NFIA: variants seen among roughly 807,000 people sequenced by gnomAD.
NFIA encodes nuclear factor 1 A-type.
NFIA carries 8 observed loss-of-function variants against 62.8 expected under a neutral mutation model. The ratio of observed to expected loss-of-function variants is 0.13; its 90% CI spans 0.07 to 0.23. NFIA has a LOEUF of 0.23. Among genes scored for constraint, NFIA ranks in the 10% least tolerant of loss-of-function variants. The pLI is 1.00. For synonymous variants in NFIA, 235 were observed against 238.1 expected (o/e 0.99, Z 0.12); for missense variants, 410 against 642.1 (o/e 0.64, Z 3.91).
chr1:61,426,686 A>C (rs1230256419), intron 10 of NFIA, 130 bp downstream of exon 10: 112 of 695,568 alleles, frequency 1.6e-4, no homozygotes. Context: ...TCCTGATCCC[A>C]CCAGCCACAT....
chr1:61,214,898 G>A (rs577310192), intron 2 of NFIA, among the ~76,000 whole-genome samples: 3 of 152,240 alleles, frequency 2.0e-5, no homozygotes, highest in Admixed American at 2.0e-4. Context: ...TCTTGGCTCC[G>A]AGTTACCCTT....
At chr1:61,371,220 A>G (rs1663868649) in intron 6 of NFIA, among the ~76,000 whole-genome samples, 1 of 152,188 alleles carries the variant, frequency 6.6e-6, no homozygotes, top group Non-Finnish European at 1.5e-5. Flanking sequence ...ATCCACGTGT[A>G]AGGCTTAAAA....
intron 10 of NFIA, among the ~76,000 whole-genome samples, chr1:61,446,307 A>G (rs570641531): frequency 4.5e-4 from 68 of 152,320 alleles, no homozygotes; most frequent in Non-Finnish European, 7.6e-4. Flanking sequence ...TTGGCTCACA[A>G]CAGAAGCCTT....
chr1:61,132,988 T>G (rs1647108341), intron 2 of NFIA: 1 of 151,830 alleles, frequency 6.6e-6, no homozygotes, highest in Non-Finnish European at 1.5e-5. Context: ...TTGTGTAGAT[T>G]AAAAAGACGA....
chr1:61,367,325 A>G (rs1663642068), intron 6 of NFIA, among the ~76,000 whole-genome samples: 1 of 152,222 alleles, frequency 6.6e-6, no homozygotes, highest in Non-Finnish European at 1.5e-5. Context: ...TAGTGCTTTG[A>G]TCATGGACAC....
intron 2 of NFIA, among the ~76,000 whole-genome samples, chr1:61,152,570 A>G (rs4915731): frequency 0.02 from 3,083 of 152,252 alleles, 66 homozygotes; most frequent in East Asian, 0.092. Context: ...ATAAATTCTC[A>G]TTTTAGAAGA....
chr1:61,087,155 A>G (rs945781604), intron 1 of NFIA, among the ~76,000 whole-genome samples: 2 of 152,142 alleles, frequency 1.3e-5, no homozygotes, highest in African/African-American at 4.8e-5. Context: ...AAACATTTAA[A>G]TATTTGAAAC....
rs768189071 is a variant in NFIA, at chr1:61,250,557, T to A, written c.560-26963T>A. Among the ~76,000 whole-genome samples, 42 of 152,196 alleles carry A rather than the reference T, an allele frequency of 2.8e-4. 1 individual carries two copies. Among genetic ancestry groups the A allele is most frequent in the Admixed American group, 1.9e-3 (29 of 15,274 alleles). On this transcript the variant is annotated intron_variant, in intron 2 of 10. Coordinates refer to ENST00000403491, the MANE Select transcript of NFIA (RefSeq NM_001134673.4). ...CCAAATTTTTCACTTTTAATTAAGATGACCAGACAAAAATTTGAATTGTAA... is the reference window on the plus strand; with the variant it reads ...CCAAATTTTTCACTTTTAATTAAGAAGACCAGACAAAAATTTGAATTGTAA...
intron 2 of NFIA, among the ~76,000 whole-genome samples, chr1:61,215,865 A>G (rs1653583909): frequency 6.6e-6 from 1 of 152,152 alleles, no homozygotes; most frequent in Non-Finnish European, 1.5e-5. Flanking sequence ...GGTCAGTCTG[A>G]CCCAGTCAGG....
chr1:61,218,448 A>G (rs1179422213), intron 2 of NFIA, among the ~76,000 whole-genome samples: 1 of 152,238 alleles, frequency 6.6e-6, no homozygotes, highest in African/African-American at 2.4e-5. Flanking sequence ...CGGATGCTCA[A>G]GTTCCTCACA....
chr1:61,261,903 A>G (rs1441205868), intron 2 of NFIA, among the ~76,000 whole-genome samples: 2 of 152,226 alleles, frequency 1.3e-5, no homozygotes, highest in Non-Finnish European at 2.9e-5. Context: ...GGTTTTGTAT[A>G]TGCTTTCTAA....
At chr1:61,220,039 C>G (rs1290977392) in intron 2 of NFIA, among the ~76,000 whole-genome samples, 2 of 152,174 alleles carry the variant, frequency 1.3e-5, no homozygotes, top group Non-Finnish European at 2.9e-5. Context: ...TATGGCATGT[C>G]AGGTCCCATC....
intron 4 of NFIA, among the ~76,000 whole-genome samples, chr1:61,347,165 C>CTT (rs869046737): frequency 0.33 from 22,979 of 69,980 alleles, 6,738 homozygotes; most frequent in East Asian, 0.56. Flanking sequence ...CTGGATCCCA[C>CTT]TTTTTTTTTT....
intron 2 of NFIA, among the ~76,000 whole-genome samples, chr1:61,153,389 A>T (rs906297295): frequency 6.8e-6 from 1 of 146,116 alleles, no homozygotes; most frequent in African/African-American, 2.4e-5. Flanking sequence ...TTAGCCGTTG[A>T]TGCCTTTGAC....
chr1:61,407,934 T>A (rs915150008), intron 9 of NFIA, among the ~76,000 whole-genome samples: 16 of 152,064 alleles, frequency 1.1e-4, no homozygotes, highest in African/African-American at 3.4e-4. Context: ...AGTATTGGAA[T>A]AATAATGATA....
At chr1:61,134,101 T>A (rs1647132038) in intron 2 of NFIA, among the ~76,000 whole-genome samples, 1 of 152,108 alleles carries the variant, frequency 6.6e-6, no homozygotes. Flanking sequence ...GGTGCAAGAC[T>A]CTGTCTCAAA....
chr1:61,373,978 C>A (rs1166393276), intron 6 of NFIA, among the ~76,000 whole-genome samples: 3 of 152,132 alleles, frequency 2.0e-5, no homozygotes, highest in Non-Finnish European at 4.4e-5. Context: ...AGTATTCTAA[C>A]CATGAGCCAC....
intron 6 of NFIA, among the ~76,000 whole-genome samples, chr1:61,362,145 T>C (rs773548143): frequency 1.8e-4 from 28 of 152,124 alleles, no homozygotes; most frequent in Non-Finnish European, 3.5e-4. Context: ...TTGGGGATTT[T>C]CCATAAAGCC....
chr1:61,109,701 A>T (rs889537620), intron 2 of NFIA, among the ~76,000 whole-genome samples: 2 of 151,946 alleles, frequency 1.3e-5, no homozygotes, highest in African/African-American at 4.8e-5. Flanking sequence ...ATTGAGATTA[A>T]CAGAACATTT....
Sources: allele counts gnomAD v4.1 joint callset (sites outside exome capture counted in the v4.1 genomes callset), GRCh38; gene constraint gnomAD v4.1.1; transcripts MANE v1.5; gene names NCBI Gene and HGNC (gene_info 2026-07-23, HGNC 2026-07-21).